The following PRR14L variants were observed in gnomAD, a reference collection of about 807,000 sequenced individuals.
The protein encoded by PRR14L is protein PRR14L.
A neutral mutation model predicts 155.0 loss-of-function variants in PRR14L; 80 were observed. That is an observed-to-expected ratio of 0.52 (90% confidence interval 0.43 to 0.62). The LOEUF (loss-of-function observed/expected upper bound fraction) is 0.62, where lower values mean the gene tolerates loss of function less well. Ranked by LOEUF, PRR14L falls within the 20% of genes least tolerant of loss-of-function variation. The pLI is 0.00. For missense variants in PRR14L, 2,469 were observed against 2,548.0 expected (o/e 0.97, Z 0.67); for synonymous variants, 883 against 916.0 (o/e 0.96, Z 0.65).
At chr22:31,685,826 T>A (rs2074479425) in intron 8 of PRR14L, 23 bp from the exon 9 acceptor site, 1 of 1,547,366 alleles carries the variant, frequency 6.5e-7, no homozygotes, top group African/African-American at 1.4e-5. Flanking sequence ...CACGAAACAA[T>A]CACCAACAGA....
intron 4 of PRR14L, among the ~76,000 whole-genome samples, chr22:31,711,169 C>T (rs540746299): frequency 1.4e-4 from 22 of 152,180 alleles, no homozygotes; most frequent in East Asian, 3.9e-4. Flanking sequence ...GCAAGATGGG[C>T]GCAAGAGTAG....
chr22:31,730,165 C>A (rs866440258), intron 2 of PRR14L, among the ~76,000 whole-genome samples: 7 of 150,480 alleles, frequency 4.7e-5, no homozygotes, highest in African/African-American at 1.7e-4. Context: ...AATCGCCGGG[C>A]GCTGTGGCTC....
intron 2 of PRR14L, among the ~76,000 whole-genome samples, chr22:31,735,109 T>A (rs914678143): frequency 2.0e-5 from 3 of 152,192 alleles, no homozygotes; most frequent in Non-Finnish European, 4.4e-5. Flanking sequence ...GAATATACAC[T>A]GGTGGAGCTG....
chr22:31,729,883 A>G (rs1333344953), intron 2 of PRR14L, among the ~76,000 whole-genome samples: 1 of 152,108 alleles, frequency 6.6e-6, no homozygotes, highest in Non-Finnish European at 1.5e-5. Flanking sequence ...ACTGAACTGC[A>G]TATTTTTGGG....
chr22:31,732,324 GC>G (rs1427791019), intron 2 of PRR14L, among the ~76,000 whole-genome samples: 2 of 152,194 alleles, frequency 1.3e-5, no homozygotes, highest in African/African-American at 4.8e-5. Flanking sequence ...GCCTTAGCTA[GC>G]ATCTGGGAAC....
At chr22:31,694,210 G>A (rs1229839957) in intron 7 of PRR14L, among the ~76,000 whole-genome samples, 1 of 152,208 alleles carries the variant, frequency 6.6e-6, no homozygotes, top group Non-Finnish European at 1.5e-5. Flanking sequence ...TTGGTAGGCA[G>A]AGGTTGCGAT....
intron 1 of PRR14L, among the ~76,000 whole-genome samples, chr22:31,749,020 T>A (rs1039633261): frequency 1.3e-5 from 2 of 152,188 alleles, no homozygotes; most frequent in Non-Finnish European, 2.9e-5. Flanking sequence ...TGGAAAAATA[T>A]GCTTCTCTGT....
intron 1 of PRR14L, among the ~76,000 whole-genome samples, chr22:31,749,731 G>T (rs2074861847): frequency 6.6e-6 from 1 of 152,226 alleles, no homozygotes; most frequent in South Asian, 2.1e-4. Flanking sequence ...GATCCCTGTT[G>T]TATCGAGGTT....
chr22:31,729,336 G>A (rs971200720), intron 2 of PRR14L, among the ~76,000 whole-genome samples: 6 of 151,966 alleles, frequency 3.9e-5, no homozygotes, highest in Non-Finnish European at 5.9e-5. Flanking sequence ...CTCAGCCTCC[G>A]GAGTAGCTGG....
intron 2 of PRR14L, among the ~76,000 whole-genome samples, chr22:31,728,714 CAAA>C (rs773127360): frequency 1.0e-4 from 8 of 78,868 alleles, no homozygotes; most frequent in Admixed American, 1.5e-4. Context: ...GACTCCATCT[CAAA>C]AAAAAAAAAA....
At chr22:31,736,697 G>A (rs933851087) in intron 2 of PRR14L, among the ~76,000 whole-genome samples, 2 of 152,020 alleles carry the variant, frequency 1.3e-5, no homozygotes, top group Non-Finnish European at 2.9e-5. Context: ...TTTATGTATT[G>A]CCTCTGCCCA....
intron 1 of PRR14L, among the ~76,000 whole-genome samples, chr22:31,741,200 C>A (rs1157670658): frequency 6.8e-6 from 1 of 146,876 alleles, no homozygotes; most frequent in Non-Finnish European, 1.5e-5. Context: ...TTGCAGTGAG[C>A]CGAGATTGCG....
intron 4 of PRR14L, among the ~76,000 whole-genome samples, chr22:31,711,798 A>G (rs912467479): frequency 1.3e-5 from 2 of 150,934 alleles, no homozygotes; most frequent in Admixed American, 6.6e-5. Context: ...AAAAAAAAAA[A>G]AAGAAGATTC....
intron 2 of PRR14L, among the ~76,000 whole-genome samples, chr22:31,732,767 G>A (rs1275045154): frequency 1.3e-5 from 2 of 152,072 alleles, no homozygotes; most frequent in African/African-American, 2.4e-5. Context: ...TGGTTTTGGG[G>A]ACCCCTGACA....
intron 8 of PRR14L, 80 bp downstream of exon 8, chr22:31,688,076 C>T: frequency 8.1e-7 from 1 of 1,236,550 alleles, no homozygotes; most frequent in Non-Finnish European, 1.1e-6. Flanking sequence ...AACATAAACT[C>T]TTTCTAAAGT....
intron 7 of PRR14L, among the ~76,000 whole-genome samples, chr22:31,700,428 C>T (rs1481476524): frequency 2.0e-5 from 3 of 152,162 alleles, no homozygotes; most frequent in Non-Finnish European, 2.9e-5. Flanking sequence ...AAAAATACAA[C>T]GTATTAAGAT....
intron 2 of PRR14L, among the ~76,000 whole-genome samples, chr22:31,728,081 T>C (rs183477918): frequency 5.9e-5 from 9 of 152,010 alleles, no homozygotes; most frequent in African/African-American, 2.2e-4. Context: ...ACCATGGTGG[T>C]GGGCAACCTC....
chr22:31,684,833 A>G lies in PRR14L; in HGVS notation c.*694T>C, dbSNP rs1250978737. On this transcript the variant is annotated 3_prime_UTR_variant, in exon 9 of 9. Coordinates refer to ENST00000327423, the MANE Select transcript of PRR14L (RefSeq NM_173566.3). ...CAAAAACAACAACAAAAAAGAAAAT[A>G]AAACAAATGAAAATAATCCACACCA... The G allele has an allele frequency of 6.6e-6, 1 of 152,226 alleles. No individual in the cohort carries two copies. The highest frequency in any genetic ancestry group is 1.5e-5 in the Non-Finnish European group (1 of 68,036). The allele number at this position is 152,226 out of a possible 1,614,324, so 9.4% of individuals were successfully genotyped here. A position where few individuals can be genotyped will look rare whatever the true frequency, so the allele number is the denominator to read the frequency against.
chr22:31,691,123 G>A (rs750822819), intron 7 of PRR14L, among the ~76,000 whole-genome samples: 4 of 150,488 alleles, frequency 2.7e-5, no homozygotes, highest in South Asian at 4.2e-4. Context: ...ACCACCACGC[G>A]CGGCTAATTT....
Sources: gnomAD v4.1 joint callset for allele counts (sites outside exome capture counted in the v4.1 genomes callset) on GRCh38, gnomAD v4.1.1 for gene constraint, MANE v1.5 for transcripts, NCBI Gene and HGNC (gene_info 2026-07-23, HGNC 2026-07-21) for gene names.